Variants in TRPC5 observed in about 807,000 individuals in gnomAD.
The protein encoded by TRPC5 is transient receptor potential cation channel subfamily C member 5, also known as short transient receptor potential channel 5.
A neutral mutation model predicts 56.5 loss-of-function variants in TRPC5; 9 were observed. The ratio of observed to expected loss-of-function variants is 0.16; its 90% CI spans 0.10 to 0.28. The LOEUF is 0.28. TRPC5 is among the 10% of genes least tolerant of loss of function. TRPC5 has a pLI of 1.00. For missense variants in TRPC5, 469 were observed against 748.9 expected, an observed-to-expected ratio of 0.63 and a Z score of 4.36; for synonymous variants, 282 against 278.5, an observed-to-expected ratio of 1.01 and a Z score of -0.13.
At chrX:111,810,828 A>T (rs1921681377) in intron 7 of TRPC5, among the ~76,000 whole-genome samples, 1 of 111,859 alleles carries the variant, frequency 8.9e-6, no homozygotes, top group Non-Finnish European at 1.9e-5. Context: ...TCTTTCAAGT[A>T]GTTTGGTACT....
chrX:111,834,858 C>T (rs1922517197), intron 7 of TRPC5, 63 bp downstream of exon 7: 10 of 903,179 alleles, frequency 1.1e-5, no homozygotes, highest in Non-Finnish European at 1.6e-5. Flanking sequence ...CTAATGAACT[C>T]TATGCCGATG....
chrX:111,882,077 G>A (rs1240646045), intron 3 of TRPC5: 3 of 111,181 alleles, frequency 2.7e-5, no homozygotes, highest in Non-Finnish European at 5.6e-5. Context: ...AAGCCGTAAA[G>A]TCACCTGCTG....
At chrX:111,787,314 A>G (rs1236896399) in intron 7 of TRPC5, among the ~76,000 whole-genome samples, 8 of 111,671 alleles carry the variant, frequency 7.2e-5, no homozygotes, top group African/African-American at 2.6e-4. Context: ...CTACTGGGTA[A>G]ATAACAAAAT....
intron 7 of TRPC5, among the ~76,000 whole-genome samples, chrX:111,791,202 A>G (rs1946018584): frequency 9.1e-6 from 1 of 109,738 alleles, no homozygotes; most frequent in Non-Finnish European, 1.9e-5. Context: ...TTTCCTCCAC[A>G]GGTCCCAAGA....
chrX:112,080,660 A>C (rs1930942811), intron 1 of TRPC5, among the ~76,000 whole-genome samples: 1 of 111,886 alleles, frequency 8.9e-6, no homozygotes, highest in African/African-American at 3.3e-5. Context: ...CTTTTGATTT[A>C]GAATAAGCAG....
chrX:111,909,152 TAAAA>T (rs1170515112), intron 3 of TRPC5, among the ~76,000 whole-genome samples: 149 of 34,135 alleles, frequency 4.4e-3, no homozygotes, highest in African/African-American at 9.8e-3. Flanking sequence ...ATAAATTAAT[TAAAA>T]AAAAAAAAAA....
chrX:111,847,452 A>G lies in TRPC5; in HGVS notation c.1378-16T>C. On this transcript the variant is annotated splice_polypyrimidine_tract_variant and intron_variant, in intron 5 of 10. Coordinates refer to ENST00000262839, the MANE Select transcript of TRPC5 (RefSeq NM_012471.3). Reference sequence around the variant, plus strand: ...AACCATTATACTGAAAGAAACAACAAGTGCACAAGATGAGGGGTACAGTGA... The same window carrying G: ...AACCATTATACTGAAAGAAACAACAGGTGCACAAGATGAGGGGTACAGTGA... 1.3e-5 allele frequency: 16 copies of G among 1,185,644 alleles called. No individual in the cohort carries two copies. The highest frequency in any genetic ancestry group is 1.8e-5 in the Non-Finnish European group (16 of 877,745).
chrX:111,963,100 C>T (rs1169929486), intron 1 of TRPC5, among the ~76,000 whole-genome samples: 3 of 112,076 alleles, frequency 2.7e-5, no homozygotes, highest in Non-Finnish European at 5.6e-5. Context: ...ACAGATGGCA[C>T]CTGGAAAATC....
chrX:111,986,905 A>G (rs1928226959), intron 1 of TRPC5, among the ~76,000 whole-genome samples: 2 of 111,822 alleles, frequency 1.8e-5, no homozygotes, highest in Non-Finnish European at 3.8e-5. Flanking sequence ...TTCAGGGCAC[A>G]TATAGAAGCT....
chrX:111,899,282 T>G (rs1330906651), intron 3 of TRPC5, among the ~76,000 whole-genome samples: 1 of 111,791 alleles, frequency 8.9e-6, no homozygotes, highest in African/African-American at 3.2e-5. Context: ...TACATTTCTC[T>G]TATAAGAGAG....
intron 7 of TRPC5, among the ~76,000 whole-genome samples, chrX:111,792,024 A>T (rs1181672037): frequency 8.9e-6 from 1 of 112,521 alleles, no homozygotes; most frequent in African/African-American, 3.2e-5. Context: ...TTACTGAAGC[A>T]GTATTTACAA....
At chrX:111,824,948 C>G (rs1922144760) in intron 7 of TRPC5, among the ~76,000 whole-genome samples, 1 of 111,156 alleles carries the variant, frequency 9.0e-6, no homozygotes, top group Admixed American at 9.6e-5. Context: ...AATCTGATAC[C>G]ACGTCCTCAA....
chrX:111,884,006 A>G (rs2148601610), intron 3 of TRPC5, among the ~76,000 whole-genome samples: 1 of 112,605 alleles, frequency 8.9e-6, no homozygotes, highest in East Asian at 2.8e-4. Context: ...ACTAGATTAG[A>G]CTTTGTTAGA....
intron 7 of TRPC5, among the ~76,000 whole-genome samples, chrX:111,787,741 G>T (rs1222246928): frequency 9.0e-6 from 1 of 111,286 alleles, no homozygotes; most frequent in Non-Finnish European, 1.9e-5. Context: ...ATCACCACTG[G>T]TCCCACAGAA....
At chrX:111,872,986 A>G (rs1923810297) in intron 3 of TRPC5, among the ~76,000 whole-genome samples, 1 of 112,413 alleles carries the variant, frequency 8.9e-6, no homozygotes, top group Non-Finnish European at 1.9e-5. Flanking sequence ...CTACCATTTG[A>G]CCAAGCAATC....
chrX:111,919,964 C>T (rs1001126768), intron 2 of TRPC5, among the ~76,000 whole-genome samples: 1 of 112,113 alleles, frequency 8.9e-6, no homozygotes, highest in African/African-American at 3.2e-5. Flanking sequence ...TGGTTCCTAT[C>T]ATTATAACAA....
At chrX:111,968,543 C>G (rs1195426816) in intron 1 of TRPC5, among the ~76,000 whole-genome samples, 1 of 110,063 alleles carries the variant, frequency 9.1e-6, no homozygotes, top group African/African-American at 3.3e-5. Flanking sequence ...TATTGCGGCA[C>G]TATTCACAAT....
At chrX:112,013,832 C>G (rs1164457005) in intron 1 of TRPC5, among the ~76,000 whole-genome samples, 4 of 111,847 alleles carry the variant, frequency 3.6e-5, no homozygotes, top group Non-Finnish European at 7.5e-5. Context: ...GCCAGTCCTC[C>G]CTGCAGCCTT....
intron 1 of TRPC5, among the ~76,000 whole-genome samples, chrX:112,051,098 A>G (rs986651854): frequency 8.9e-6 from 1 of 112,740 alleles, no homozygotes; most frequent in African/African-American, 3.2e-5. Context: ...GGTTCAGCCA[A>G]TGGGAGTTTT....
Sources: gnomAD v4.1 joint callset for allele counts (sites outside exome capture counted in the v4.1 genomes callset) on GRCh38, gnomAD v4.1.1 for gene constraint, MANE v1.5 for transcripts, NCBI Gene and HGNC (gene_info 2026-07-23, HGNC 2026-07-21) for gene names.